Variants in PDCD1LG2 observed in about 807,000 individuals in gnomAD.
PDCD1LG2 encodes the protein programmed cell death 1 ligand 2.
PDCD1LG2 carries 32 observed loss-of-function variants against 28.2 expected under a neutral mutation model. The observed-to-expected ratio is 1.13, with a 90% CI of 0.86 to 1.52. The LOEUF (loss-of-function observed/expected upper bound fraction) is 1.52, where lower values mean the gene tolerates loss of function less well. PDCD1LG2 is among the 40% of genes most tolerant of loss of function. PDCD1LG2 has a pLI of 0.00. For synonymous variants in PDCD1LG2, 116 were observed against 120.2 expected (o/e 0.97, Z 0.23); for missense variants, 385 against 323.8 (o/e 1.19, Z -1.45).
chr9:5,512,519 CCT>C (rs1820081890), intron 1 of PDCD1LG2, among the ~76,000 whole-genome samples: 1 of 152,198 alleles, frequency 6.6e-6, no homozygotes, highest in African/African-American at 2.4e-5. Flanking sequence ...CTTGTCTCTG[CCT>C]TTTTCACTAG....
intron 5 of PDCD1LG2, among the ~76,000 whole-genome samples, chr9:5,560,367 G>C (rs915641115): frequency 2.0e-5 from 3 of 152,206 alleles, no homozygotes; most frequent in African/African-American, 7.2e-5. Context: ...AGAGGGCCCT[G>C]GTTTTGAGCA....
rs1054867099 is a variant in PDCD1LG2 at position 5,570,089 on chromosome 9, T to C, written c.*130T>C. The C allele has an allele frequency of 1.3e-5, 15 of 1,171,956 alleles. No individual in the cohort carries two copies. Among genetic ancestry groups the C allele is most frequent in the Non-Finnish European group, 1.9e-5 (15 of 791,264 alleles). The allele number at this position is 1,171,956 out of a possible 1,614,324, so 72.6% of individuals were successfully genotyped here. On this transcript the variant is annotated 3_prime_UTR_variant, in exon 7 of 7. Transcript: ENST00000397747. ...CAAATGCCTTTGGATGACCCAGCACTTTAATCTGAAACCTGCAACAAGACT... is the reference window on the plus strand; with the variant it reads ...CAAATGCCTTTGGATGACCCAGCACCTTAATCTGAAACCTGCAACAAGACT...
At position 5,569,868 on chromosome 9, in the gene PDCD1LG2, T is replaced by A. The variant is rs1473110919; in HGVS notation, c.817-86T>A. The A allele has an allele frequency of 3.1e-5, 42 of 1,365,186 alleles. No homozygotes were observed. The highest frequency in any genetic ancestry group is 4.4e-5 in the African/African-American group (3 of 68,574). 84.6% of individuals were successfully genotyped at this position (1,365,186 alleles called of 1,614,324 possible). A position where few individuals can be genotyped will look rare whatever the true frequency, so the allele number is the denominator to read the frequency against. On this transcript the variant is annotated intron_variant, in intron 6 of 6. Transcript: ENST00000397747. The surrounding 1 kb of genome is among the most constrained non-coding windows in gnomAD (Gnocchi z 4.1). The stretch of plus-strand genomic sequence containing the variant: ...AGCTAGATGAACTTTTTTAAAAAAA[T>A]TAGTTCCTCACTCAAATTTTGGGGA...
intron 6 of PDCD1LG2, among the ~76,000 whole-genome samples, chr9:5,563,799 G>A (rs1454827954): frequency 2.0e-5 from 3 of 152,170 alleles, no homozygotes; most frequent in African/African-American, 7.2e-5. Context: ...TGGAAACCCA[G>A]GCAGGATTTC....
At chr9:5,517,636 G>A (rs990431813) in intron 1 of PDCD1LG2, among the ~76,000 whole-genome samples, 1 of 152,186 alleles carries the variant, frequency 6.6e-6, no homozygotes, top group Non-Finnish European at 1.5e-5. Context: ...AGAATCAACT[G>A]CAGGAAGGCA....
chr9:5,545,715 G>C (rs573885169), intron 3 of PDCD1LG2, among the ~76,000 whole-genome samples: 1 of 152,090 alleles, frequency 6.6e-6, no homozygotes. Flanking sequence ...ACAACTGATA[G>C]AACAAACAAT....
In PDCD1LG2 at chr9:5,570,306, T is replaced by C; in HGVS notation, c.*347T>C. On this transcript the variant is annotated 3_prime_UTR_variant, in exon 7 of 7. Transcript: ENST00000397747. ...ATTATTTCCCCTCAAGTTTTCTAAG[T>C]GATTTCCAAAAGCAGAGGTGTGTGG... is the stretch of plus-strand genomic sequence containing the variant. 3.5e-6 allele frequency: 1 copy of C among 282,392 alleles called. No individual in the cohort carries two copies. The highest frequency in any genetic ancestry group is 6.7e-6 in the Non-Finnish European group (1 of 148,984). The allele number at this position is 282,392 out of a possible 1,614,324, so 17.5% of individuals were successfully genotyped here. A position where few individuals can be genotyped will look rare whatever the true frequency, so the allele number is the denominator to read the frequency against.
At chr9:5,525,940 G>C (rs756450062) in intron 2 of PDCD1LG2, among the ~76,000 whole-genome samples, 1 of 151,930 alleles carries the variant, frequency 6.6e-6, no homozygotes, top group Non-Finnish European at 1.5e-5. Context: ...CCAGCTACTC[G>C]GGAGTCTGAG....
chr9:5,538,567 A>G (rs1820628039), intron 3 of PDCD1LG2, among the ~76,000 whole-genome samples: 1 of 152,188 alleles, frequency 6.6e-6, no homozygotes, highest in Non-Finnish European at 1.5e-5. Context: ...GGGCGCCTGT[A>G]GTCCCAGCTA....
chr9:5,540,726 T>C (rs1346396694), intron 3 of PDCD1LG2, among the ~76,000 whole-genome samples: 2 of 151,936 alleles, frequency 1.3e-5, no homozygotes, highest in African/African-American at 2.4e-5. Context: ...ACTTTTAAAA[T>C]TGTCAACAAA....
intron 4 of PDCD1LG2, among the ~76,000 whole-genome samples, chr9:5,555,360 T>C (rs558263571): frequency 1.2e-4 from 19 of 152,266 alleles, no homozygotes; most frequent in African/African-American, 4.1e-4. Flanking sequence ...GAGGTTGCAG[T>C]GAGCCAAGAT....
At chr9:5,514,928 G>A (rs1233294234) in intron 1 of PDCD1LG2, among the ~76,000 whole-genome samples, 1 of 152,158 alleles carries the variant, frequency 6.6e-6, no homozygotes, top group African/African-American at 2.4e-5. Flanking sequence ...GTAGCCCTGA[G>A]TGAGTCTTAA....
At chr9:5,549,209 C>A (rs1203508116) in intron 3 of PDCD1LG2, 126 bp from the exon 4 acceptor site, 1 of 917,426 alleles carries the variant, frequency 1.1e-6, no homozygotes, top group Non-Finnish European at 1.7e-6. Context: ...AATGTGTTTA[C>A]AAATGATAAC....
intron 3 of PDCD1LG2, among the ~76,000 whole-genome samples, chr9:5,546,273 G>A (rs985926248): frequency 1.3e-5 from 2 of 152,096 alleles, no homozygotes; most frequent in African/African-American, 4.8e-5. Context: ...CAAGCCACCT[G>A]CAATAGTGGG....
intron 6 of PDCD1LG2, among the ~76,000 whole-genome samples, chr9:5,563,788 C>A (rs1816613522): frequency 6.6e-6 from 1 of 152,146 alleles, no homozygotes; most frequent in Admixed American, 6.5e-5. Flanking sequence ...GGCCAGCAGT[C>A]TGGAAACCCA....
At chr9:5,517,527 T>TG (rs1470788778) in intron 1 of PDCD1LG2, among the ~76,000 whole-genome samples, 1 of 152,176 alleles carries the variant, frequency 6.6e-6, no homozygotes, top group African/African-American at 2.4e-5. Context: ...TCTTGGCTGT[T>TG]GAAAAAACTG....
intron 1 of PDCD1LG2, among the ~76,000 whole-genome samples, chr9:5,520,117 G>A (rs530096335): frequency 2.6e-5 from 4 of 152,098 alleles, no homozygotes; most frequent in Non-Finnish European, 4.4e-5. Context: ...AAGGAAGCCC[G>A]AATAGCCCCC....
rs765970433 is a variant in PDCD1LG2 at position 5,569,939 on chromosome 9, G to A, written c.817-15G>A. 2.5e-6 allele frequency: 4 copies of A among 1,613,096 alleles called. No individual in the cohort carries two copies. The Admixed American group carries it at 6.7e-5, about 27-fold the overall frequency. On this transcript the variant is annotated splice_polypyrimidine_tract_variant and intron_variant, in intron 6 of 6. Transcript: ENST00000397747. This position sits in a 1 kb window ranked among gnomAD's most constrained non-coding sequence, Gnocchi z 4.1. ...TAAAAAATGATTTTTCTTATTTGTG[G>A]GCTTTTCTCCCCAGATCTGAACCTG...
chr9:5,549,203 T>C, intron 3 of PDCD1LG2, 132 bp from the exon 4 acceptor site: 1 of 832,312 alleles, frequency 1.2e-6, no homozygotes, highest in Non-Finnish European at 1.9e-6. Context: ...ATATACAATG[T>C]GTTTACAAAT....
Sources: gnomAD v4.1 joint callset for allele counts (sites outside exome capture counted in the v4.1 genomes callset) on GRCh38, gnomAD v4.1.1 for gene constraint, Gnocchi (gnomAD v3.1) non-coding constraint, MANE v1.5 for transcripts, NCBI Gene and HGNC (gene_info 2026-07-23, HGNC 2026-07-21) for gene names.